Variants in CAMK1D observed in about 807,000 individuals in gnomAD.
CAMK1D encodes calcium/calmodulin dependent protein kinase ID, also known as calcium/calmodulin-dependent protein kinase type 1D.
A neutral mutation model predicts 47.7 loss-of-function variants in CAMK1D; 9 were observed. That is an observed-to-expected ratio of 0.19 (90% CI 0.11 to 0.33). The LOEUF (loss-of-function observed/expected upper bound fraction) is 0.33. CAMK1D is among the 10% of genes least tolerant of loss of function. The pLI, the probability that CAMK1D is intolerant of heterozygous loss-of-function variation, is 1.00. For synonymous variants in CAMK1D, 184 were observed against 184.9 expected (o/e 0.99, Z 0.04); for missense variants, 291 against 488.7 (o/e 0.60, Z 3.81).
chr10:12,724,721 T>C (rs1834538066), intron 3 of CAMK1D, among the ~76,000 whole-genome samples: 1 of 152,134 alleles, frequency 6.6e-6, no homozygotes, highest in South Asian at 2.1e-4. Context: ...TGCTTCTGTG[T>C]GAATGAAATA....
At chr10:12,797,387 C>T (rs965246100) in intron 6 of CAMK1D, among the ~76,000 whole-genome samples, 6 of 151,786 alleles carry the variant, frequency 4.0e-5, no homozygotes, top group Non-Finnish European at 8.8e-5. Flanking sequence ...CAAAACACAA[C>T]AAACTTTTTT....
chr10:12,823,832 C>T (rs950654851), intron 8 of CAMK1D, among the ~76,000 whole-genome samples: 3 of 151,888 alleles, frequency 2.0e-5, no homozygotes, highest in African/African-American at 7.3e-5. Flanking sequence ...AATCCTGTCA[C>T]CCAGCATAGA....
chr10:12,653,712 CCTCT>C (rs576448682), intron 2 of CAMK1D, among the ~76,000 whole-genome samples: 15 of 152,294 alleles, frequency 9.8e-5, no homozygotes, highest in African/African-American at 3.1e-4. Flanking sequence ...AACAGACTTC[CCTCT>C]CTGTTTTTCA....
rs114120783 is a variant in CAMK1D at position 12,765,607 on chromosome 10, A to T, written c.439-4066A>T. ...CCCGCGTGATCTCATCAGATCCCTAATGCCTTTGAAGTGGCCTCATTGTCT... is the reference window on the plus strand; with the variant it reads ...CCCGCGTGATCTCATCAGATCCCTATTGCCTTTGAAGTGGCCTCATTGTCT... On this transcript the variant is annotated intron_variant, in intron 4 of 10. Coordinates refer to ENST00000619168, the MANE Select transcript of CAMK1D (RefSeq NM_153498.4). Among the ~76,000 whole-genome samples the T allele has an allele frequency of 3.3e-3, 505 of 152,324 alleles. 1 individual carries two copies. Among genetic ancestry groups the T allele is most frequent in the African/African-American group, 0.011 (468 of 41,588 alleles).
chr10:12,410,742 G>T (rs535324938), intron 1 of CAMK1D, among the ~76,000 whole-genome samples: 1 of 152,174 alleles, frequency 6.6e-6, no homozygotes, highest in Non-Finnish European at 1.5e-5. Context: ...AATGACACAC[G>T]TTTAATGTTG....
chr10:12,828,205 G>A (rs929659536), intron 10 of CAMK1D, among the ~76,000 whole-genome samples: 1 of 152,212 alleles, frequency 6.6e-6, no homozygotes, highest in African/African-American at 2.4e-5. Flanking sequence ...TACCACAGTG[G>A]TGAAACCATG....
At chr10:12,781,972 GTTTT>G (rs58759372) in intron 5 of CAMK1D, among the ~76,000 whole-genome samples, 32,221 of 128,728 alleles carry the variant, frequency 0.25, 3,589 homozygotes, top group East Asian at 0.43. Context: ...TAATTTAATT[GTTTT>G]TTTTTTTTTT....
At chr10:12,401,128 TTA>T (rs1294345138) in intron 1 of CAMK1D, among the ~76,000 whole-genome samples, 7 of 70,164 alleles carry the variant, frequency 1.0e-4, no homozygotes, top group South Asian at 3.5e-4. Context: ...AATATATGTA[TTA>T]TATATATTAT....
At chr10:12,774,229 A>G (rs1448030180) in intron 5 of CAMK1D, among the ~76,000 whole-genome samples, 2 of 152,188 alleles carry the variant, frequency 1.3e-5, no homozygotes, top group Non-Finnish European at 2.9e-5. Context: ...ATGGAGAAAA[A>G]TGAAGCAGAA....
intron 1 of CAMK1D, among the ~76,000 whole-genome samples, chr10:12,368,169 G>A (rs961957492): frequency 1.5e-4 from 23 of 150,352 alleles, no homozygotes; most frequent in African/African-American, 3.7e-4. Context: ...TCCGCAGTCC[G>A]GCCTGGGCGA....
At chr10:12,752,787 C>T (rs1836048612) in intron 3 of CAMK1D, among the ~76,000 whole-genome samples, 2 of 152,270 alleles carry the variant, frequency 1.3e-5, no homozygotes, top group Non-Finnish European at 2.9e-5. Flanking sequence ...GAGACCAGGA[C>T]GTGCTTACAG....
chr10:12,410,575 C>A (rs115646930), intron 1 of CAMK1D, among the ~76,000 whole-genome samples: 53 of 152,292 alleles, frequency 3.5e-4, no homozygotes, highest in African/African-American at 1.3e-3. Context: ...CTCTGAAGGC[C>A]TGCTCAGTTT....
At chr10:12,702,399 A>G (rs371308073) in intron 3 of CAMK1D, among the ~76,000 whole-genome samples, 1 of 152,324 alleles carries the variant, frequency 6.6e-6, no homozygotes, top group African/African-American at 2.4e-5. Context: ...AACACAGTAC[A>G]GGGTGTGGGA....
chr10:12,551,726 A>C (rs1433127691), intron 1 of CAMK1D, among the ~76,000 whole-genome samples: 1 of 152,226 alleles, frequency 6.6e-6, no homozygotes, highest in Non-Finnish European at 1.5e-5. Flanking sequence ...CAACAGAGCC[A>C]GACTCCGTCT....
chr10:12,602,507 G>A (rs1420919585), intron 2 of CAMK1D, among the ~76,000 whole-genome samples: 1 of 152,194 alleles, frequency 6.6e-6, no homozygotes. Context: ...TATATTTGTA[G>A]GAGCAGGTGC....
At chr10:12,813,697 G>T (rs556927672) in intron 6 of CAMK1D, among the ~76,000 whole-genome samples, 30 of 152,224 alleles carry the variant, frequency 2.0e-4, no homozygotes, top group African/African-American at 7.2e-4. Context: ...TGCGGAATGT[G>T]TGCTTTCTTG....
intron 2 of CAMK1D, among the ~76,000 whole-genome samples, chr10:12,560,899 C>G (rs957156174): frequency 1.2e-4 from 18 of 150,784 alleles, no homozygotes; most frequent in African/African-American, 3.7e-4. Flanking sequence ...TTGAAAGTTA[C>G]CTTGATTTCT....
At chr10:12,804,937 C>CAAAAAAAAAAAAAAAAAAAAAA (rs145584740) in intron 6 of CAMK1D, among the ~76,000 whole-genome samples, 1 of 51,056 alleles carries the variant, frequency 2.0e-5, no homozygotes, top group African/African-American at 8.3e-5. Context: ...GACCCTGTCT[C>CAAAAAAAAAAAAAAAAAAAAAA]AAAAAAAAAA....
intron 3 of CAMK1D, among the ~76,000 whole-genome samples, chr10:12,734,643 C>T (rs1022969716): frequency 6.6e-6 from 1 of 151,272 alleles, no homozygotes; most frequent in African/African-American, 2.4e-5. Context: ...AGAAAAATCC[C>T]AGAGCTGTGT....
Sources: gnomAD v4.1 joint callset for allele counts (sites outside exome capture counted in the v4.1 genomes callset) on GRCh38, gnomAD v4.1.1 for gene constraint, MANE v1.5 for transcripts, NCBI Gene and HGNC (gene_info 2026-07-23, HGNC 2026-07-21) for gene names.